Variants in EVL observed in about 807,000 individuals in gnomAD.
EVL encodes the protein ena/VASP-like protein.
Under a neutral mutation model 59.6 loss-of-function variants are expected in EVL, and 21 were observed. That is an observed-to-expected ratio of 0.35 (90% CI 0.25 to 0.51). EVL has a LOEUF of 0.51. EVL is among the 20% of genes least tolerant of loss of function. The pLI is 0.97. For missense variants in EVL, 462 were observed against 546.6 expected (o/e 0.85, Z 1.54); for synonymous variants, 198 against 203.5 (o/e 0.97, Z 0.23).
intron 1 of EVL, among the ~76,000 whole-genome samples, chr14:100,056,127 A>G (rs752698381): frequency 6.6e-6 from 1 of 151,762 alleles, no homozygotes; most frequent in Non-Finnish European, 1.5e-5. Flanking sequence ...TTTTCGTATC[A>G]GTTCTGTTTG....
intron 3 of EVL, among the ~76,000 whole-genome samples, chr14:100,112,357 C>T (rs1252172784): frequency 2.6e-5 from 4 of 152,196 alleles, no homozygotes; most frequent in Non-Finnish European, 5.9e-5. Flanking sequence ...CTGGCTTGCT[C>T]CTGCATTTAG....
chr14:100,124,591 A>T (rs2140369862), intron 4 of EVL, among the ~76,000 whole-genome samples: 1 of 152,280 alleles, frequency 6.6e-6, no homozygotes, highest in East Asian at 1.9e-4. Context: ...TGCCCAGAGT[A>T]ACCAGAGAGT....
At chr14:99,985,399 G>A (rs1055478067) in intron 1 of EVL, among the ~76,000 whole-genome samples, 1 of 152,054 alleles carries the variant, frequency 6.6e-6, no homozygotes, top group Non-Finnish European at 1.5e-5. Context: ...CCTTGAACTG[G>A]TCTTTCTTCC....
At chr14:99,977,277 A>G (rs1192599771) in intron 1 of EVL, 3 of 152,220 alleles carry the variant, frequency 2.0e-5, no homozygotes, top group Non-Finnish European at 4.4e-5. Flanking sequence ...CATTAAAACA[A>G]AAGATTTGGG....
chr14:100,123,676 G>A (rs904355911), intron 4 of EVL, 74 bp downstream of exon 4: 8 of 1,506,562 alleles, frequency 5.3e-6, no homozygotes, highest in Non-Finnish European at 6.4e-6. Flanking sequence ...CCTTCAGCGG[G>A]TGAGGATGCA....
chr14:100,139,032 T>G (rs1479896399), intron 11 of EVL: 1 of 152,256 alleles, frequency 6.6e-6, no homozygotes, highest in South Asian at 2.1e-4. Flanking sequence ...GTTAGAAGTT[T>G]GCATTGTGTT....
At chr14:100,069,320 A>C (rs2062000378) in intron 1 of EVL, among the ~76,000 whole-genome samples, 1 of 152,222 alleles carries the variant, frequency 6.6e-6, no homozygotes, top group South Asian at 2.1e-4. Flanking sequence ...GCTTGGGCAC[A>C]GTCATTACTG....
intron 1 of EVL, among the ~76,000 whole-genome samples, chr14:100,071,287 A>T (rs1025068218): frequency 6.6e-6 from 1 of 152,250 alleles, no homozygotes; most frequent in African/African-American, 2.4e-5. Flanking sequence ...CCATGTTAAT[A>T]TGCAGAGAGC....
intron 9 of EVL, among the ~76,000 whole-genome samples, chr14:100,136,626 A>C (rs1888808348): frequency 6.6e-6 from 1 of 152,126 alleles, no homozygotes; most frequent in Admixed American, 6.5e-5. Flanking sequence ...AGCTGGGCAG[A>C]GGAGGCTCTT....
In EVL at chr14:100,012,734, G is replaced by A. The variant is rs529972632; in HGVS notation, c.5+40677G>A. Among the ~76,000 whole-genome samples, 12 of 152,296 alleles carry A rather than the reference G, an allele frequency of 7.9e-5. No individual in the cohort carries two copies. The East Asian group carries it at 2.1e-3, about 27-fold the overall frequency. On this transcript the variant is annotated intron_variant, in intron 1 of 13. Coordinates refer to the EVL transcript ENST00000402714. Reference sequence around the variant, plus strand: ...ACACTTCCTTTGGCTTATGGTCCTGGTGGTGGTTTTACTTTTTCTCTTGAG... The same window carrying A: ...ACACTTCCTTTGGCTTATGGTCCTGATGGTGGTTTTACTTTTTCTCTTGAG...
At chr14:99,995,174 G>T (rs2060905324) in intron 1 of EVL, among the ~76,000 whole-genome samples, 2 of 152,132 alleles carry the variant, frequency 1.3e-5, no homozygotes, top group African/African-American at 4.8e-5. Flanking sequence ...CCTTGAATTT[G>T]TGTCTCCATG....
At chr14:100,128,425 C>T in intron 5 of EVL, 94 bp from the exon 6 acceptor site, 1 of 1,280,912 alleles carries the variant, frequency 7.8e-7, no homozygotes, top group South Asian at 1.2e-5. Flanking sequence ...AGCAGCCTGC[C>T]CCTGTCCTTC....
At chr14:100,119,811 C>A (rs1887582002) in intron 3 of EVL, among the ~76,000 whole-genome samples, 1 of 152,154 alleles carries the variant, frequency 6.6e-6, no homozygotes, top group Non-Finnish European at 1.5e-5. Flanking sequence ...GGGTGCATGA[C>A]TAGGCAGATG....
At chr14:99,974,863 A>G (rs190627559) in intron 1 of EVL, 1 of 152,428 alleles carries the variant, frequency 6.6e-6, no homozygotes, top group African/African-American at 2.4e-5. Context: ...CTCCATTTTT[A>G]CTGGCATAAT....
chr14:100,013,856 C>T (rs1383422387), intron 1 of EVL, among the ~76,000 whole-genome samples: 1 of 152,022 alleles, frequency 6.6e-6, no homozygotes, highest in East Asian at 1.9e-4. Flanking sequence ...ATTATGCAGA[C>T]AGTAAAAAAG....
chr14:100,125,441 A>T (rs1888011866), intron 4 of EVL, among the ~76,000 whole-genome samples: 1 of 152,062 alleles, frequency 6.6e-6, no homozygotes, highest in South Asian at 2.1e-4. Context: ...TCATTTTACC[A>T]TGGTGTTCTA....
intron 1 of EVL, among the ~76,000 whole-genome samples, chr14:100,078,291 C>A (rs2062210719): frequency 1.3e-5 from 2 of 152,086 alleles, no homozygotes; most frequent in Admixed American, 1.3e-4. Context: ...AAACACTTGA[C>A]ATAAAAGATA....
intron 1 of EVL, among the ~76,000 whole-genome samples, chr14:100,042,731 A>G (rs2061485891): frequency 6.6e-6 from 1 of 152,228 alleles, no homozygotes; most frequent in Non-Finnish European, 1.5e-5. Flanking sequence ...TGCTTAAGCT[A>G]CAACGTTTGT....
intron 2 of EVL, among the ~76,000 whole-genome samples, chr14:100,085,970 T>TA (rs1456304396): frequency 1.1e-4 from 17 of 151,354 alleles, no homozygotes; most frequent in East Asian, 9.7e-4. Context: ...TACTAAAAAA[T>TA]AAAAAAAAAT....
Sources: allele counts gnomAD v4.1 joint callset (sites outside exome capture counted in the v4.1 genomes callset), GRCh38; gene constraint gnomAD v4.1.1; transcripts MANE v1.5; gene names NCBI Gene and HGNC (gene_info 2026-07-23, HGNC 2026-07-21).